CAMK1D: variants seen among roughly 807,000 people sequenced by gnomAD.
CAMK1D encodes calcium/calmodulin dependent protein kinase ID, also known as calcium/calmodulin-dependent protein kinase type 1D.
CAMK1D carries 9 observed loss-of-function variants against 47.7 expected under a neutral mutation model. That is an observed-to-expected ratio of 0.19 (90% confidence interval 0.11 to 0.33). The LOEUF is 0.33. CAMK1D is among the 10% of genes least tolerant of loss of function. The pLI, the probability that CAMK1D is intolerant of heterozygous loss-of-function variation, is 1.00. For missense variants in CAMK1D, 291 were observed against 488.7 expected (o/e 0.60, Z 3.81); for synonymous variants, 184 against 184.9 (o/e 0.99, Z 0.04).
intron 10 of CAMK1D, chr10:12,826,127 A>C (rs1588973777): frequency 2.6e-5 from 4 of 152,868 alleles, no homozygotes; most frequent in South Asian, 2.0e-4. Context: ...ACAGATTGAG[A>C]CTCCCTCTCA....
chr10:12,774,657 G>C (rs923634613), intron 5 of CAMK1D, among the ~76,000 whole-genome samples: 2 of 152,190 alleles, frequency 1.3e-5, no homozygotes, highest in Non-Finnish European at 2.9e-5. Flanking sequence ...CTGATTCGGG[G>C]CCTGTTAGGA....
chr10:12,787,132 A>AAAGAAGAAG (rs61193558), intron 5 of CAMK1D, among the ~76,000 whole-genome samples: 3 of 150,896 alleles, frequency 2.0e-5, no homozygotes, highest in African/African-American at 7.3e-5. Flanking sequence ...CAAAGAAAAA[A>AAAGAAGAAG]AAGAAGAAGA....
chr10:12,619,412 C>G (rs1470936735), intron 2 of CAMK1D, among the ~76,000 whole-genome samples: 2 of 151,754 alleles, frequency 1.3e-5, no homozygotes, highest in African/African-American at 2.4e-5. Context: ...TGCCTCAGCC[C>G]GAGTAGCTGG....
intron 3 of CAMK1D, among the ~76,000 whole-genome samples, chr10:12,704,881 C>T (rs180722800): frequency 1.5e-3 from 230 of 152,190 alleles, no homozygotes; most frequent in Admixed American, 4.1e-3. Context: ...TCCCTTGCAG[C>T]GGTGGTATTG....
At chr10:12,481,499 T>G (rs571966652) in intron 1 of CAMK1D, among the ~76,000 whole-genome samples, 1 of 152,222 alleles carries the variant, frequency 6.6e-6, no homozygotes, top group African/African-American at 2.4e-5. Context: ...GCTGGCCTTG[T>G]GTCAATTAAA....
intron 2 of CAMK1D, among the ~76,000 whole-genome samples, chr10:12,581,911 T>C (rs1474198973): frequency 2.0e-5 from 3 of 152,222 alleles, no homozygotes; most frequent in Non-Finnish European, 4.4e-5. Flanking sequence ...CATCTATTTA[T>C]CTTTGTTTTT....
At chr10:12,637,835 C>T (rs1839552941) in intron 2 of CAMK1D, among the ~76,000 whole-genome samples, 2 of 152,082 alleles carry the variant, frequency 1.3e-5, no homozygotes, top group South Asian at 2.1e-4. Context: ...GGGAAGGAGA[C>T]GTGTTCTTTC....
rs143236532 is a variant in CAMK1D, at chr10:12,707,199, A to G, written c.299+40389A>G. 1.6e-3 allele frequency among the ~76,000 whole-genome samples: 240 copies of G among 152,354 alleles called. 2 individuals carry two copies. Among genetic ancestry groups the G allele is most frequent in the African/African-American group, 5.5e-3 (228 of 41,576 alleles). On this transcript the variant is annotated intron_variant, in intron 3 of 10. Transcript: ENST00000619168. Reference sequence around the variant, plus strand: ...TGTCTCTTGCTTCTTTTGCTTAAAAACAGAATTCAGAAAAAATTAATTCCA... The same window carrying G: ...TGTCTCTTGCTTCTTTTGCTTAAAAGCAGAATTCAGAAAAAATTAATTCCA...
At chr10:12,762,824 C>T (rs926368747) in intron 4 of CAMK1D, among the ~76,000 whole-genome samples, 4 of 152,198 alleles carry the variant, frequency 2.6e-5, no homozygotes, top group African/African-American at 9.7e-5. Flanking sequence ...GACCTGGCAC[C>T]TCTGCCAGGC....
At chr10:12,569,968 G>A (rs933346522) in intron 2 of CAMK1D, among the ~76,000 whole-genome samples, 16 of 152,034 alleles carry the variant, frequency 1.1e-4, no homozygotes, top group Non-Finnish European at 1.8e-4. Context: ...TTGGGAGGCC[G>A]AGGCAGGAGG....
chr10:12,451,666 G>T (rs1247012691), intron 1 of CAMK1D, among the ~76,000 whole-genome samples: 1 of 152,188 alleles, frequency 6.6e-6, no homozygotes, highest in East Asian at 1.9e-4. Context: ...ATCTTTCAAA[G>T]AATTTATTTT....
intron 5 of CAMK1D, among the ~76,000 whole-genome samples, chr10:12,785,521 T>C (rs1423229669): frequency 6.6e-6 from 1 of 152,130 alleles, no homozygotes; most frequent in African/African-American, 2.4e-5. Flanking sequence ...CTCGGGTATC[T>C]CCAGGCAGCA....
At chr10:12,586,357 G>C (rs1396795599) in intron 2 of CAMK1D, among the ~76,000 whole-genome samples, 1 of 150,152 alleles carries the variant, frequency 6.7e-6, no homozygotes, top group African/African-American at 2.4e-5. Context: ...GCTGAGGCAG[G>C]AGAATCACTT....
chr10:12,705,672 A>G (rs1833703491), intron 3 of CAMK1D, among the ~76,000 whole-genome samples: 1 of 152,194 alleles, frequency 6.6e-6, no homozygotes. Context: ...CCAGAAACAA[A>G]GGACATTGCC....
chr10:12,356,738 A>T (rs1215252300), intron 1 of CAMK1D, among the ~76,000 whole-genome samples: 1 of 151,726 alleles, frequency 6.6e-6, no homozygotes. Flanking sequence ...AAAAAAAAAA[A>T]AAAAAGAAAA....
chr10:12,605,938 G>A (rs1228034694), intron 2 of CAMK1D, among the ~76,000 whole-genome samples: 2 of 152,204 alleles, frequency 1.3e-5, no homozygotes, highest in Non-Finnish European at 2.9e-5. Flanking sequence ...TGTGGGGCAT[G>A]TTCTGGGGTG....
chr10:12,641,212 A>G (rs1219993572), intron 2 of CAMK1D, among the ~76,000 whole-genome samples: 1 of 152,144 alleles, frequency 6.6e-6, no homozygotes, highest in Non-Finnish European at 1.5e-5. Context: ...CAGGTGATCC[A>G]CCTGCCTTGG....
chr10:12,681,884 A>G (rs1162855140), intron 3 of CAMK1D, among the ~76,000 whole-genome samples: 1 of 152,244 alleles, frequency 6.6e-6, no homozygotes, highest in African/African-American at 2.4e-5. Flanking sequence ...CTACAAAAGA[A>G]AGAAAGAAAA....
intron 3 of CAMK1D, among the ~76,000 whole-genome samples, chr10:12,734,996 G>A (rs951696019): frequency 7.2e-5 from 11 of 152,190 alleles, no homozygotes; most frequent in Admixed American, 1.3e-4. Flanking sequence ...TGCAGTGGAG[G>A]TGTGATTCCA....
Sources: gnomAD v4.1 joint callset for allele counts (sites outside exome capture counted in the v4.1 genomes callset) on GRCh38, gnomAD v4.1.1 for gene constraint, MANE v1.5 for transcripts, NCBI Gene and HGNC (gene_info 2026-07-23, HGNC 2026-07-21) for gene names.